ROBO2: variants seen among roughly 807,000 people sequenced by gnomAD.
ROBO2 encodes roundabout homolog 2.
In ROBO2, 53 loss-of-function variants were observed where a neutral mutation model predicts 160.8. That is an observed-to-expected ratio of 0.33 (90% CI 0.26 to 0.41). The LOEUF is 0.41. Ranked by LOEUF, ROBO2 falls within the 10% of genes least tolerant of loss-of-function variation. The pLI is 1.00. For missense variants in ROBO2, 1,577 were observed against 1,722.4 expected (o/e 0.92, Z 1.49); for synonymous variants, 664 against 611.7 (o/e 1.09, Z -1.26).
chr3:76,039,889 C>A (rs886794262), intron 2 of ROBO2, among the ~76,000 whole-genome samples: 1 of 152,012 alleles, frequency 6.6e-6, no homozygotes, highest in Admixed American at 6.5e-5. Flanking sequence ...TGATTGCATT[C>A]CACTTCGGAG....
intron 2 of ROBO2, among the ~76,000 whole-genome samples, chr3:77,275,534 G>A (rs749598702): frequency 5.9e-4 from 90 of 152,052 alleles, no homozygotes; most frequent in South Asian, 1.2e-3. Flanking sequence ...CTTTTAATAT[G>A]TGCAGCAAGT....
intron 2 of ROBO2, among the ~76,000 whole-genome samples, chr3:77,381,827 T>C (rs2073509676): frequency 6.6e-6 from 1 of 152,238 alleles, no homozygotes; most frequent in African/African-American, 2.4e-5. Context: ...GCTTTAGGTC[T>C]TCCTTTCTTT....
chr3:77,482,945 A>G (rs1307724019), intron 4 of ROBO2, among the ~76,000 whole-genome samples: 1 of 152,182 alleles, frequency 6.6e-6, no homozygotes, highest in Non-Finnish European at 1.5e-5. Flanking sequence ...AGAAGCAATT[A>G]GACTTACCAC....
chr3:76,940,580 T>C (rs2078120776), intron 2 of ROBO2, among the ~76,000 whole-genome samples: 1 of 152,138 alleles, frequency 6.6e-6, no homozygotes, highest in Admixed American at 6.6e-5. Context: ...CTCTAATTCG[T>C]CCCCAGATTA....
At chr3:76,737,496 C>T (rs1284358604) in intron 2 of ROBO2, among the ~76,000 whole-genome samples, 1 of 152,008 alleles carries the variant, frequency 6.6e-6, no homozygotes, top group Non-Finnish European at 1.5e-5. Context: ...GATTTTTGAC[C>T]AGCCACAAAA....
intron 2 of ROBO2, among the ~76,000 whole-genome samples, chr3:76,030,883 G>GT (rs2066897248): frequency 1.3e-5 from 2 of 152,230 alleles, no homozygotes; most frequent in African/African-American, 2.4e-5. Context: ...CTTTAAAGTA[G>GT]TTTTTTCCAA....
chr3:76,125,341 A>C (rs987702435), intron 2 of ROBO2, among the ~76,000 whole-genome samples: 41 of 152,158 alleles, frequency 2.7e-4, no homozygotes, highest in African/African-American at 9.4e-4. Flanking sequence ...AGAGTGATTT[A>C]TTTTCCTTTG....
At chr3:76,067,075 G>A (rs529426738) in intron 2 of ROBO2, among the ~76,000 whole-genome samples, 67 of 152,240 alleles carry the variant, frequency 4.4e-4, no homozygotes, top group African/African-American at 1.4e-3. Context: ...GGCTGACCTA[G>A]GAAGCCCAAG....
intron 2 of ROBO2, chr3:76,434,739 G>A: frequency 9.0e-7 from 1 of 1,112,480 alleles, no homozygotes; most frequent in Non-Finnish European, 1.4e-6. Flanking sequence ...TACCAGTTGA[G>A]GCTCAGATGA....
intron 2 of ROBO2, among the ~76,000 whole-genome samples, chr3:76,359,513 G>T (rs1411048083): frequency 6.6e-6 from 1 of 152,042 alleles, no homozygotes; most frequent in Admixed American, 6.6e-5. Context: ...AAGTGCACTA[G>T]TGAAGCTTCT....
intron 4 of ROBO2, among the ~76,000 whole-genome samples, chr3:77,483,108 C>A (rs2084901609): frequency 6.6e-6 from 1 of 152,026 alleles, no homozygotes; most frequent in African/African-American, 2.4e-5. Context: ...TGTCTAGAGG[C>A]AGTTCCCCTG....
intron 2 of ROBO2, among the ~76,000 whole-genome samples, chr3:76,539,955 T>C (rs546368050): frequency 1.3e-5 from 2 of 152,324 alleles, no homozygotes; most frequent in South Asian, 4.1e-4. Context: ...ACCCAGTTTT[T>C]GGACCCTGCT....
intron 2 of ROBO2, among the ~76,000 whole-genome samples, chr3:76,402,599 G>T (rs546344622): frequency 6.6e-6 from 1 of 151,598 alleles, no homozygotes; most frequent in South Asian, 2.1e-4. Context: ...GAGGGTCTAA[G>T]GAAGAACCCG....
intron 2 of ROBO2, among the ~76,000 whole-genome samples, chr3:76,139,170 G>A (rs1394950536): frequency 6.6e-6 from 1 of 152,064 alleles, no homozygotes; most frequent in Non-Finnish European, 1.5e-5. Flanking sequence ...TCATTGAGTT[G>A]CCACAATCAA....
chr3:75,978,713 A>G (rs1223657100), intron 2 of ROBO2, among the ~76,000 whole-genome samples: 2 of 151,594 alleles, frequency 1.3e-5, no homozygotes, highest in African/African-American at 4.8e-5. Context: ...TGCAAGTTCC[A>G]TGAAACTTTT....
intron 1 of ROBO2, among the ~76,000 whole-genome samples, chr3:77,054,536 T>G (rs938739325): frequency 1.3e-5 from 2 of 152,152 alleles, no homozygotes; most frequent in African/African-American, 4.8e-5. Flanking sequence ...ACCACATTCC[T>G]GGTTAATAAG....
intron 2 of ROBO2, among the ~76,000 whole-genome samples, chr3:76,476,109 T>C (rs1205402144): frequency 6.6e-6 from 1 of 151,984 alleles, no homozygotes; most frequent in Non-Finnish European, 1.5e-5. Context: ...ACTGAGATGA[T>C]GCCACTGCAC....
At chr3:76,385,591 A>C (rs1365688394) in intron 2 of ROBO2, among the ~76,000 whole-genome samples, 1 of 152,250 alleles carries the variant, frequency 6.6e-6, no homozygotes, top group Non-Finnish European at 1.5e-5. Flanking sequence ...GGTTACATGC[A>C]AAAATAGAAT....
chr3:77,410,705 C>T (rs1362244401), intron 2 of ROBO2, among the ~76,000 whole-genome samples: 82 of 141,904 alleles, frequency 5.8e-4, no homozygotes, highest in African/African-American at 2.2e-3. Flanking sequence ...CCTCTTCCTC[C>T]TCCTCCTCCT....
Sources: gnomAD v4.1 joint callset for allele counts (sites outside exome capture counted in the v4.1 genomes callset) on GRCh38, gnomAD v4.1.1 for gene constraint, MANE v1.5 for transcripts, NCBI Gene and HGNC (gene_info 2026-07-23, HGNC 2026-07-21) for gene names.